Variants in BLTP1 observed in about 807,000 individuals in gnomAD.
The protein encoded by BLTP1 is bridge-like lipid transfer protein family member 1, also known as fragile site-associated protein.
the BLTP1 span, chr4:122,362,472 CTTG>C: frequency 2.3e-5 from 8 of 348,664 alleles, no homozygotes; most frequent in South Asian, 3.0e-4. Flanking sequence ...TATATAACTG[CTTG>C]TTATGGTTTA....
At chr4:122,198,118 C>T in the BLTP1 span, 7 of 985,078 alleles carry the variant, frequency 7.1e-6, no homozygotes, top group South Asian at 9.4e-5. Context: ...GGGTTGACTA[C>T]GTTCATTAGT....
the BLTP1 span, among the ~76,000 whole-genome samples, chr4:122,157,110 C>G: frequency 6.6e-6 from 1 of 152,172 alleles, no homozygotes; most frequent in Non-Finnish European, 1.5e-5. Flanking sequence ...TATGAATCAT[C>G]AAGTTAGAGA....
chr4:122,228,343 A>C, the BLTP1 span, among the ~76,000 whole-genome samples: 2 of 152,170 alleles, frequency 1.3e-5, no homozygotes, highest in South Asian at 4.1e-4. Flanking sequence ...ACCACCAGTG[A>C]AGATATAGAA....
At chr4:122,270,986 A>T in the BLTP1 span, 1 of 1,533,678 alleles carries the variant, frequency 6.5e-7, no homozygotes, top group Non-Finnish European at 8.7e-7. Flanking sequence ...ATGGAAGAAA[A>T]ACCGTGTCCT....
chr4:122,214,094 C>T, the BLTP1 span: 1 of 446,296 alleles, frequency 2.2e-6, no homozygotes, highest in Non-Finnish European at 3.0e-6. Flanking sequence ...ATTTTGGAAA[C>T]AGTACTTGTG....
chr4:122,345,920 CT>C, the BLTP1 span: 2 of 594,910 alleles, frequency 3.4e-6, no homozygotes, highest in Non-Finnish European at 4.2e-6. Context: ...ATGCCTCAAA[CT>C]TTTAGCTTAG....
At chr4:122,233,099 C>T in the BLTP1 span, among the ~76,000 whole-genome samples, 1 of 152,198 alleles carries the variant, frequency 6.6e-6, no homozygotes, top group Non-Finnish European at 1.5e-5. Flanking sequence ...TATACATAAT[C>T]AGGCCTTGCC....
the BLTP1 span, chr4:122,196,590 T>C: frequency 6.7e-7 from 1 of 1,489,526 alleles, no homozygotes; most frequent in Non-Finnish European, 9.2e-7. Context: ...AGAAGTAATT[T>C]TGTTTGAATA....
At chr4:122,309,412 A>C in the BLTP1 span, 1 of 1,613,462 alleles carries the variant, frequency 6.2e-7, no homozygotes, top group Non-Finnish European at 8.5e-7. Context: ...GATTTGAGAC[A>C]TCATGGGATG....
the BLTP1 span, chr4:122,181,192 C>A: frequency 5.2e-6 from 3 of 580,682 alleles, no homozygotes; most frequent in Non-Finnish European, 6.5e-6. Flanking sequence ...AATTTTATAA[C>A]CTAGGGAGTA....
At chr4:122,329,152 A>G in the BLTP1 span, among the ~76,000 whole-genome samples, 10 of 151,886 alleles carry the variant, frequency 6.6e-5, no homozygotes, top group African/African-American at 2.2e-4. Context: ...ATAACTTACT[A>G]TGAAAAGTTA....
the BLTP1 span, chr4:122,209,387 G>T: frequency 6.3e-7 from 1 of 1,584,268 alleles, no homozygotes; most frequent in African/African-American, 1.4e-5. Flanking sequence ...GCTCACGCCT[G>T]TAATCCCAGC....
chr4:122,197,145 A>G, the BLTP1 span: 1 of 824,068 alleles, frequency 1.2e-6, no homozygotes, highest in Non-Finnish European at 1.9e-6. Flanking sequence ...TAAAGATGGG[A>G]GAATAATTAT....
At chr4:122,331,299 T>G in the BLTP1 span, 1 of 1,594,538 alleles carries the variant, frequency 6.3e-7, no homozygotes, top group Non-Finnish European at 8.5e-7. Flanking sequence ...TTTACTACAA[T>G]GTAATGATCA....
At chr4:122,203,595 A>T in the BLTP1 span, among the ~76,000 whole-genome samples, 1 of 151,850 alleles carries the variant, frequency 6.6e-6, no homozygotes, top group Non-Finnish European at 1.5e-5. Flanking sequence ...TAATCAGATT[A>T]TTTGATAAGA....
chr4:122,220,384 T>C, the BLTP1 span: 2 of 1,613,478 alleles, frequency 1.2e-6, no homozygotes, highest in Non-Finnish European at 1.7e-6. Flanking sequence ...GGAAAGACTA[T>C]GTTTTGAAAT....
At chr4:122,217,553 C>A in the BLTP1 span, among the ~76,000 whole-genome samples, 2 of 151,986 alleles carry the variant, frequency 1.3e-5, no homozygotes, top group East Asian at 3.9e-4. Flanking sequence ...TCCCTTCATC[C>A]CTGGTGTGAA....
the BLTP1 span, chr4:122,189,924 C>T: frequency 2.0e-6 from 3 of 1,512,878 alleles, no homozygotes; most frequent in East Asian, 2.4e-5. Context: ...CACCTATTGC[C>T]AGCATTAACT....
the BLTP1 span, chr4:122,276,060 C>T: frequency 7.4e-6 from 11 of 1,492,280 alleles, no homozygotes; most frequent in African/African-American, 1.4e-5. Context: ...TTTGTAATTA[C>T]TGTAGTATTG....
Sources: allele counts gnomAD v4.1 joint callset (sites outside exome capture counted in the v4.1 genomes callset), GRCh38; gene constraint gnomAD v4.1.1; transcripts MANE v1.5; gene names NCBI Gene and HGNC (gene_info 2026-07-23, HGNC 2026-07-21).